USP31: variants seen among roughly 807,000 people sequenced by gnomAD.
USP31 encodes the protein ubiquitin carboxyl-terminal hydrolase 31.
Under a neutral mutation model 119.4 loss-of-function variants are expected in USP31, and 44 were observed. That is an observed-to-expected ratio of 0.37 (90% CI 0.29 to 0.47). USP31 has a LOEUF of 0.47. Ranked by LOEUF, USP31 falls within the 20% of genes least tolerant of loss-of-function variation. USP31 has a pLI of 0.99. For synonymous variants in USP31, 749 were observed against 705.6 expected, an observed-to-expected ratio of 1.06 and a Z score of -0.97; for missense variants, 1,643 against 1,730.2, an observed-to-expected ratio of 0.95 and a Z score of 0.89.
Position 23,105,623 on chromosome 16 carries a change from TA to T in USP31, c.954-48del, listed in dbSNP as rs745395627. 6 of 1,481,726 alleles carry T rather than the reference TA, an allele frequency of 4.0e-6. No homozygotes were observed. The South Asian group carries it at 8.6e-5, about 21-fold the overall frequency. 91.8% of individuals were successfully genotyped at this position (1,481,726 alleles called of 1,614,324 possible). On this transcript the variant is annotated intron_variant, in intron 4 of 15. Coordinates refer to ENST00000219689, the MANE Select transcript of USP31 (RefSeq NM_020718.4). ...CTTCTCATTAGTCACTTATTTCAAC[TA>T]AAATATAGAAGATGCAAAATAAACC...
At chr16:23,134,089 T>TCTCTCA (rs1435847121) in intron 1 of USP31, among the ~76,000 whole-genome samples, 4 of 146,442 alleles carry the variant, frequency 2.7e-5, no homozygotes, top group East Asian at 2.0e-4. Context: ...TCTCTCTCTC[T>TCTCTCA]CACACACACA....
Position 23,063,178 on chromosome 16 carries a change from ATG to A in USP31, c.*4866_*4867del, listed in dbSNP as rs1264801213. The A allele has an allele frequency of 1.3e-5, 2 of 152,252 alleles. No homozygotes were observed. The highest frequency in any genetic ancestry group is 2.9e-5 in the Non-Finnish European group (2 of 68,056). 9.4% of individuals were successfully genotyped at this position (152,252 alleles called of 1,614,324 possible). On this transcript the variant is annotated 3_prime_UTR_variant, in exon 16 of 16. Transcript: ENST00000219689. ...CTTAAAAGAATCTTGAGGAAAATAC[ATG>A]TGTGAGATTCAAAAAAGTCTCTCAA...
At chr16:23,092,850 C>T (rs1055445238) in intron 6 of USP31, among the ~76,000 whole-genome samples, 1 of 152,068 alleles carries the variant, frequency 6.6e-6, no homozygotes, top group Non-Finnish European at 1.5e-5. Context: ...CTGGAGGTGC[C>T]AGAGGCCTCT....
chr16:23,071,724 TC>T (rs56942965), intron 15 of USP31, among the ~76,000 whole-genome samples: 4,717 of 136,652 alleles, frequency 0.035, 260 homozygotes, highest in African/African-American at 0.12. Context: ...CTTCCAGCTA[TC>T]CTGCTTTTTA....
chr16:23,095,061 A>C (rs866810684), intron 6 of USP31, among the ~76,000 whole-genome samples: 3 of 152,210 alleles, frequency 2.0e-5, no homozygotes, highest in Admixed American at 6.5e-5. Flanking sequence ...CTAAAGGAGC[A>C]TGTTCAAACC....
At chr16:23,081,433 CCT>C (rs779648303) in intron 12 of USP31, among the ~76,000 whole-genome samples, 3 of 152,212 alleles carry the variant, frequency 2.0e-5, no homozygotes, top group East Asian at 1.9e-4. Flanking sequence ...GTGTGTTGCC[CCT>C]GATACCTCCG....
chr16:23,135,970 A>T (rs899815770), intron 1 of USP31, among the ~76,000 whole-genome samples: 4 of 152,212 alleles, frequency 2.6e-5, no homozygotes, highest in South Asian at 2.1e-4. Context: ...TGGGGTAAAG[A>T]TACATAAAGA....
rs772393607 is a variant in USP31, at chr16:23,087,735, C to G, written c.1516G>C (p.Val506Leu). ...AAATGCTTACAAACCTGAATGCAAA[C>G]CGTGGGCCTCAAGAAATACTTCATC... ...EKMKYFLRPT[V>L]CIQVCPFSLR... Residue 506 changes from valine to leucine, a missense_variant, in exon 8 of 16, where the codon GTT becomes CTT. Coordinates refer to ENST00000219689, the MANE Select transcript of USP31 (RefSeq NM_020718.4). 3.6e-5 allele frequency: 58 copies of G among 1,613,922 alleles called. No homozygotes were observed. Among genetic ancestry groups the G allele is most frequent in the Admixed American group, 1.0e-4 (6 of 60,004 alleles).
chr16:23,078,072 G>A (rs1042679797), intron 13 of USP31, among the ~76,000 whole-genome samples: 1 of 152,072 alleles, frequency 6.6e-6, no homozygotes, highest in East Asian at 1.9e-4. Context: ...CCAGCACTTT[G>A]GGAGGCCAAG....
At chr16:23,101,720 C>T (rs945144725) in intron 6 of USP31, among the ~76,000 whole-genome samples, 2 of 151,960 alleles carry the variant, frequency 1.3e-5, no homozygotes, top group African/African-American at 2.4e-5. Flanking sequence ...AATGCTGTGG[C>T]GAGGAGCAAA....
At position 23,148,668 on chromosome 16, in the gene USP31, C is replaced by T; in HGVS notation, c.603G>A (p.Glu201=). ...AGTCGCGGCTGTGCTGCGGGGTGTA[C>T]TCCAGGGTCCAGAGGGCCCGCACCA... ...AHLVRALWTL[E]YTPQHSRDFK... is the part of the protein sequence containing the mutation. The change falls in exon 1 of 16, where the codon GAG becomes GAA. Residue 201 remains glutamate (E), a synonymous_variant. Transcript: ENST00000219689. 2 of 1,498,134 alleles carry T rather than the reference C, an allele frequency of 1.3e-6. No individual in the cohort carries two copies. The highest frequency in any genetic ancestry group is 1.8e-6 in the Non-Finnish European group (2 of 1,127,392). The allele number at this position is 1,498,134 out of a possible 1,614,324, so 92.8% of individuals were successfully genotyped here. A position where few individuals can be genotyped will look rare whatever the true frequency, so the allele number is the denominator to read the frequency against.
intron 13 of USP31, 197 bp downstream of exon 13, chr16:23,079,749 G>C (rs1446053619): frequency 3.9e-6 from 2 of 512,828 alleles, no homozygotes; most frequent in Admixed American, 3.7e-5. Context: ...CCTACTGGAC[G>C]ACCCAACTCA....
chr16:23,127,569 T>C lies in USP31; in HGVS notation c.634-19386A>G, dbSNP rs995275461. ...CCTCTGCCGCCTGGGTTCAAGTGAT[T>C]CTCCTGCCTCAGCCTCCCAAGTAGC... On this transcript the variant is annotated intron_variant, in intron 1 of 15. Transcript: ENST00000219689. 4.6e-5 allele frequency among the ~76,000 whole-genome samples: 7 copies of C among 151,806 alleles called. No individual in the cohort carries two copies. In the South Asian group the frequency reaches 1.5e-3, roughly 32 times the overall value.
At chr16:23,130,914 G>A (rs1162856162) in intron 1 of USP31, among the ~76,000 whole-genome samples, 1 of 152,200 alleles carries the variant, frequency 6.6e-6, no homozygotes, top group African/African-American at 2.4e-5. Context: ...GGATCCAAAT[G>A]CAAGATGCAG....
rs745430075 is a variant in USP31, at chr16:23,068,947, A to G, written c.3158T>C (p.Leu1053Pro). ...AGGAGAAGAAGGGGATGTACTTGAAAGGGATGACTCCTGGCTTGCCAAGGC... is the reference window on the plus strand; with the variant it reads ...AGGAGAAGAAGGGGATGTACTTGAAGGGGATGACTCCTGGCTTGCCAAGGC... ...RPALASQESS[L>P]SSTSPSSPLP... is the part of the protein sequence containing the mutation. Residue 1053 changes from leucine to proline, a missense_variant, in exon 16 of 16, where the codon CTT becomes CCT. Leu to Pro is a moderately conservative substitution (Grantham distance 98, BLOSUM62 -3). This residue lies in a region of USP31 where 699 missense variants were observed against 650.9 expected (regional missense o/e 1.07). Coordinates refer to ENST00000219689, the MANE Select transcript of USP31 (RefSeq NM_020718.4). The G allele has an allele frequency of 6.2e-7, 1 of 1,614,196 alleles. No homozygotes were observed. Among genetic ancestry groups the G allele is most frequent in the South Asian group, 1.1e-5 (1 of 91,074 alleles).
chr16:23,097,558 C>T (rs900146137), intron 6 of USP31, among the ~76,000 whole-genome samples: 4 of 152,284 alleles, frequency 2.6e-5, no homozygotes, highest in East Asian at 3.9e-4. Context: ...TGATGAACAT[C>T]GATGCAAAAA....
chr16:23,089,358 G>T (rs1287304181), intron 7 of USP31, among the ~76,000 whole-genome samples: 1 of 152,128 alleles, frequency 6.6e-6, no homozygotes, highest in Non-Finnish European at 1.5e-5. Flanking sequence ...CTTCGACGTG[G>T]TACGGACTGT....
At chr16:23,133,461 G>A (rs560586953) in intron 1 of USP31, among the ~76,000 whole-genome samples, 7 of 152,234 alleles carry the variant, frequency 4.6e-5, no homozygotes, top group African/African-American at 1.7e-4. Context: ...GGGGGGAGAC[G>A]GCAATGGATT....
In USP31 at chr16:23,075,998, G is replaced by A. The variant is rs140656509; in HGVS notation, c.2177-2118C>T. Among the ~76,000 whole-genome samples the A allele has an allele frequency of 5.7e-3, 867 of 152,236 alleles. 5 individuals are homozygous for A. Among genetic ancestry groups the A allele is most frequent in the Middle Eastern group, 0.017 (5 of 294 alleles). On this transcript the variant is annotated intron_variant, in intron 13 of 15. Coordinates refer to ENST00000219689, the MANE Select transcript of USP31 (RefSeq NM_020718.4). ...AGCTACTTGGGAAGCTGAGGTAGGA[G>A]GATCTTGAGCCCGGGAGGCTGGGGC... is the stretch of plus-strand genomic sequence containing the variant.
Sources: gnomAD v4.1 joint callset for allele counts (sites outside exome capture counted in the v4.1 genomes callset) on GRCh38, gnomAD v4.1.1 for gene constraint, gnomAD v4.1.1 regional missense constraint, MANE v1.5 for transcripts, NCBI Gene and HGNC (gene_info 2026-07-23, HGNC 2026-07-21) for gene names.